The following GARS1 variants were observed in gnomAD, a reference collection of about 807,000 sequenced individuals.
GARS1 encodes glycyl-tRNA synthetase 1, also known as glycine--tRNA ligase.
A neutral mutation model predicts 86.4 loss-of-function variants in GARS1; 46 were observed. That is an observed-to-expected ratio of 0.53 (90% CI 0.42 to 0.68). GARS1 has a LOEUF of 0.68. Ranked by LOEUF, GARS1 falls within the 30% of genes least tolerant of loss-of-function variation. The pLI is 0.00. For synonymous variants in GARS1, 342 were observed against 329.8 expected (o/e 1.04, Z -0.40); for missense variants, 797 against 915.6 (o/e 0.87, Z 1.67).
At chr7:30,618,948 CT>C (rs1782944270) in intron 10 of GARS1, among the ~76,000 whole-genome samples, 2 of 152,104 alleles carry the variant, frequency 1.3e-5, no homozygotes, top group South Asian at 4.1e-4. Flanking sequence ...TCTGGGACTT[CT>C]TTTTATTTTC....
At chr7:30,619,124 G>A (rs1030918760) in intron 10 of GARS1, among the ~76,000 whole-genome samples, 1 of 152,182 alleles carries the variant, frequency 6.6e-6, no homozygotes, top group Non-Finnish European at 1.5e-5. Flanking sequence ...AAGTCTCACA[G>A]CCAGTGAGTG....
chr7:30,616,211 T>A (rs1782887128), intron 9 of GARS1, among the ~76,000 whole-genome samples, 153 bp downstream of exon 9: 1 of 152,204 alleles, frequency 6.6e-6, no homozygotes, highest in Admixed American at 6.5e-5. Flanking sequence ...TGTTATACAG[T>A]ATTATTATAG....
chr7:30,633,271 T>A (rs1205684182), intron 16 of GARS1, among the ~76,000 whole-genome samples: 1 of 152,088 alleles, frequency 6.6e-6, no homozygotes, highest in Non-Finnish European at 1.5e-5. Flanking sequence ...CATCATAAAC[T>A]GGGGGTGGAG....
intron 6 of GARS1, among the ~76,000 whole-genome samples, chr7:30,607,810 G>A (rs185012387): frequency 2.0e-5 from 3 of 151,962 alleles, no homozygotes; most frequent in Non-Finnish European, 4.4e-5. Flanking sequence ...TTTACCTTCC[G>A]TCCTTCTGCT....
At chr7:30,614,871 C>CAAAA (rs60532382) in intron 8 of GARS1, among the ~76,000 whole-genome samples, 2 of 81,570 alleles carry the variant, frequency 2.5e-5, no homozygotes, top group Admixed American at 1.4e-4. Context: ...GACTCCGTCT[C>CAAAA]AAAAAAAAAA....
In GARS1 at chr7:30,622,403, T is replaced by C; in HGVS notation, c.1554T>C (p.Tyr518=). ...YKKDAKLVME[Y]LAICDECYIT... ...AGGATGCAAAACTGGTGATGGAGTA[T>C]CTTGCCATTTGTGATGAGTGCTACA... The change falls in exon 12 of 17, where the codon TAT becomes TAC. Residue 518 remains tyrosine, a synonymous_variant. Coordinates refer to ENST00000389266, the MANE Select transcript of GARS1 (RefSeq NM_002047.4). The C allele has an allele frequency of 6.2e-7, 1 of 1,614,112 alleles. No homozygotes were observed.
At chr7:30,628,179 T>C (rs926368270) in intron 13 of GARS1, among the ~76,000 whole-genome samples, 1 of 151,528 alleles carries the variant, frequency 6.6e-6, no homozygotes, top group African/African-American at 2.4e-5. Context: ...AATTTTTTTC[T>C]TTTCTTTTCT....
In GARS1 at chr7:30,602,084, T is replaced by TTTTA. The variant is rs1312040011; in HGVS notation, c.569+900_569+903dup. 6.1e-5 allele frequency among the ~76,000 whole-genome samples: 9 copies of TTTTA among 148,056 alleles called. No individual in the cohort carries two copies. In the East Asian group the frequency reaches 8.2e-4, roughly 13 times the overall value. On this transcript the variant is annotated intron_variant, in intron 4 of 16. Transcript: ENST00000389266. Reference sequence around the variant, plus strand: ...CAGAATGTGAAACTGAAAGGAATTCTTTTATTTATTTATTTATTTTTTGAG... The same window carrying TTTTA: ...CAGAATGTGAAACTGAAAGGAATTCTTTTATTTATTTATTTATTTATTTTTTGAG...
intron 12 of GARS1, among the ~76,000 whole-genome samples, chr7:30,625,412 T>C (rs1783109111): frequency 6.6e-6 from 1 of 152,182 alleles, no homozygotes; most frequent in Non-Finnish European, 1.5e-5. Flanking sequence ...AGATGAGGCA[T>C]GAGATTATCA....
chr7:30,609,591 A>G lies in GARS1; in HGVS notation c.742A>G (p.Asn248Asp). Residue 248 changes from asparagine (N) to aspartate (D), a missense_variant, in exon 7 of 17, where the codon AAC becomes GAC. By Grantham distance (23) the Asn-to-Asp change is conservative. This residue lies in a region of GARS1 where 598 missense variants were observed against 738.7 expected (regional missense o/e 0.81). Transcript: ENST00000389266. ...EMESVLAQLD[N>D]YGQQELADLF... ...TTCTTTATATGTCTTTTAGCTTGAT[A>G]ACTATGGACAGCAAGAACTTGCGGA... 1 of 1,612,666 alleles carries G rather than the reference A, an allele frequency of 6.2e-7. No homozygotes were observed. The highest frequency in any genetic ancestry group is 8.5e-7 in the Non-Finnish European group (1 of 1,178,926).
intron 14 of GARS1, 22 bp downstream of exon 14, chr7:30,628,691 G>T (rs937978905): frequency 6.7e-7 from 1 of 1,503,210 alleles, no homozygotes; most frequent in Non-Finnish European, 9.3e-7. Flanking sequence ...TGTACAGTGT[G>T]CTGTTATAGT....
chr7:30,622,506 G>T (rs199860375), intron 12 of GARS1, 44 bp downstream of exon 12: 2 of 1,609,460 alleles, frequency 1.2e-6, no homozygotes. Flanking sequence ...CCAGTCAGTT[G>T]TGTCATCTGC....
At chr7:30,597,580 C>CT (rs1463780004) in intron 1 of GARS1, among the ~76,000 whole-genome samples, 1 of 152,098 alleles carries the variant, frequency 6.6e-6, no homozygotes, top group Non-Finnish European at 1.5e-5. Context: ...GTGCCAAACT[C>CT]AAAATTTAAA....
Position 30,602,298 on chromosome 7 carries a change from C to T in GARS1, c.570-736C>T, listed in dbSNP as rs550004916. Among the ~76,000 whole-genome samples, 13 of 152,104 alleles carry T rather than the reference C, an allele frequency of 8.5e-5. No homozygotes were observed. The South Asian group carries it at 1.0e-3, about 12-fold the overall frequency. ...TAGAGACGGGGTTTCACCATGGTCT[C>T]GATCTCCTGACCTCGTGATCCGCCT... On this transcript the variant is annotated intron_variant, in intron 4 of 16. Transcript: ENST00000389266.
intron 10 of GARS1, among the ~76,000 whole-genome samples, chr7:30,620,339 G>T (rs1161638464): frequency 6.6e-6 from 1 of 152,154 alleles, no homozygotes; most frequent in Non-Finnish European, 1.5e-5. Context: ...AGATCAGGGT[G>T]CCAGCATCGT....
In GARS1 at chr7:30,595,065, C is replaced by T. The variant is rs754360926; in HGVS notation, c.144C>T (p.Ala48=). The T allele has an allele frequency of 2.0e-5, 31 of 1,550,616 alleles. No homozygotes were observed. In the East Asian group the frequency reaches 6.4e-4, roughly 32 times the overall value. Residue 48 remains alanine (A), a synonymous_variant, in exon 1 of 17, where the codon GCC becomes GCT. Transcript: ENST00000389266. ...CCTGCCCCCCGATCTCCTTGCCCGC[C>T]GCCGCCTCCCGGAGCAGCATGGACG... The part of the protein sequence containing the change: ...AASCPPISLP[A]AASRSSMDGA...
At chr7:30,633,472 G>A (rs1371077787) in intron 16 of GARS1, among the ~76,000 whole-genome samples, 2 of 152,222 alleles carry the variant, frequency 1.3e-5, no homozygotes, top group Non-Finnish European at 1.5e-5. Context: ...ACTTGACTGA[G>A]TCCTGTTTGT....
At chr7:30,599,091 CA>C (rs1791323041) in intron 2 of GARS1, among the ~76,000 whole-genome samples, 194 bp downstream of exon 2, 1 of 152,182 alleles carries the variant, frequency 6.6e-6, no homozygotes, top group African/African-American at 2.4e-5. Flanking sequence ...CTCAAAATGT[CA>C]ACTTTTTAAT....
intron 7 of GARS1, among the ~76,000 whole-genome samples, chr7:30,611,532 T>C (rs1417419121): frequency 6.6e-6 from 1 of 152,202 alleles, no homozygotes; most frequent in East Asian, 1.9e-4. Flanking sequence ...TTGCCCAGGC[T>C]GGAGTGCAAT....
Sources: allele counts gnomAD v4.1 joint callset (sites outside exome capture counted in the v4.1 genomes callset), GRCh38; gene constraint gnomAD v4.1.1; regional missense constraint gnomAD v4.1.1; transcripts MANE v1.5; gene names NCBI Gene and HGNC (gene_info 2026-07-23, HGNC 2026-07-21).